LRP5: variants seen among roughly 807,000 people sequenced by gnomAD.
LRP5 encodes low-density lipoprotein receptor-related protein 5.
A neutral mutation model predicts 154.1 loss-of-function variants in LRP5; 62 were observed. The observed-to-expected ratio is 0.40, with a 90% CI of 0.33 to 0.50. The LOEUF (loss-of-function observed/expected upper bound fraction) is 0.50. Among genes scored for constraint, LRP5 ranks in the 20% least tolerant of loss-of-function variants. The pLI is 0.55. For missense variants in LRP5, 1,915 were observed against 2,336.7 expected (o/e 0.82, Z 3.72); for synonymous variants, 966 against 1,011.5 (o/e 0.96, Z 0.85).
At position 68,445,499 on chromosome 11, in the gene LRP5, G is replaced by A. The variant is rs1017917386; in HGVS notation, c.4489-937G>A. 4 of 811,544 alleles carry A rather than the reference G, an allele frequency of 4.9e-6. No homozygotes were observed. In the East Asian group the frequency reaches 1.5e-4, roughly 31 times the overall value. The allele number at this position is 811,544 out of a possible 1,614,324, so 50.3% of individuals were successfully genotyped here. On this transcript the variant is annotated intron_variant, in intron 21 of 22. Coordinates refer to ENST00000294304, the MANE Select transcript of LRP5 (RefSeq NM_002335.4). ...GTCTGGCGTGAAAGGCAGTGTTCTT[G>A]TACCACCCTAGGGGGCCTGAGAGAA...
At chr11:68,339,212 G>A (rs2098607441) in intron 1 of LRP5, among the ~76,000 whole-genome samples, 1 of 151,800 alleles carries the variant, frequency 6.6e-6, no homozygotes, top group Non-Finnish European at 1.5e-5. Context: ...GTCTCCTTCT[G>A]TCACACAGGC....
rs11382677 is a variant in LRP5 at position 68,338,867 on chromosome 11, GTTTTTTT to G, written c.92-8962_92-8956del. The stretch of plus-strand genomic sequence containing the variant: ...TCATTGGTTTTTTTGCTTTTGTTTA[GTTTTTTT>G]TTTTTTTTTTTTTTTTTGAGACAGA... On this transcript the variant is annotated intron_variant, in intron 1 of 22. Transcript: ENST00000294304. Among the ~76,000 whole-genome samples, 9 of 91,948 alleles carry G rather than the reference GTTTTTTT, an allele frequency of 9.8e-5. No homozygotes were observed. In the East Asian group the frequency reaches 3.3e-3, roughly 33 times the overall value. 60.3% of individuals were successfully genotyped at this position (91,948 alleles called of 152,430 possible). A position where few individuals can be genotyped will look rare whatever the true frequency, so the allele number is the denominator to read the frequency against.
At chr11:68,333,876 G>A (rs2098604237) in intron 1 of LRP5, among the ~76,000 whole-genome samples, 1 of 152,116 alleles carries the variant, frequency 6.6e-6, no homozygotes, top group African/African-American at 2.4e-5. Context: ...TTCAGTGCAG[G>A]GGCCGGCAGT....
At chr11:68,374,051 C>T (rs2098635939) in intron 5 of LRP5, among the ~76,000 whole-genome samples, 1 of 152,012 alleles carries the variant, frequency 6.6e-6, no homozygotes, top group Non-Finnish European at 1.5e-5. Flanking sequence ...TTGTGGGCCG[C>T]TGGCCACAGC....
intron 13 of LRP5, among the ~76,000 whole-genome samples, chr11:68,417,078 T>G (rs1210926824): frequency 6.6e-6 from 1 of 152,220 alleles, no homozygotes. Context: ...TATCCCACAA[T>G]ACTGTGCATT....
chr11:68,306,559 T>C, the LRP5 span, among the ~76,000 whole-genome samples: 4 of 152,204 alleles, frequency 2.6e-5, no homozygotes, highest in Non-Finnish European at 5.9e-5. Flanking sequence ...TTTCCTAACT[T>C]GGTTAACATT....
At chr11:68,428,246 C>T (rs1002560707) in intron 16 of LRP5, among the ~76,000 whole-genome samples, 15 of 152,040 alleles carry the variant, frequency 9.9e-5, no homozygotes, top group Admixed American at 1.3e-4. Flanking sequence ...CCACGCACCT[C>T]GGCCTCCCAA....
chr11:68,443,359 C>T (rs1457881562), intron 21 of LRP5, among the ~76,000 whole-genome samples: 2 of 149,060 alleles, frequency 1.3e-5, no homozygotes, highest in Admixed American at 6.7e-5. Context: ...AAAAATTAGC[C>T]GGGTATGGTG....
chr11:68,398,207 C>T (rs958366757), intron 7 of LRP5, among the ~76,000 whole-genome samples: 2 of 152,106 alleles, frequency 1.3e-5, no homozygotes, highest in African/African-American at 2.4e-5. Context: ...TCAGAGGAAA[C>T]ACAGGGTTCT....
chr11:68,416,247 T>G, intron 12 of LRP5, 81 bp from the exon 13 acceptor site: 1 of 1,234,530 alleles, frequency 8.1e-7, no homozygotes, highest in Non-Finnish European at 1.2e-6. Flanking sequence ...CCGCCTGTTG[T>G]CGAGTGGCGT....
chr11:68,342,033 T>A (rs993604675), intron 1 of LRP5, among the ~76,000 whole-genome samples: 2 of 151,612 alleles, frequency 1.3e-5, no homozygotes, highest in Non-Finnish European at 2.9e-5. Context: ...CTTAGTGTGC[T>A]GCCTCTACAG....
At chr11:68,343,625 T>A (rs773857050) in intron 1 of LRP5, among the ~76,000 whole-genome samples, 1 of 152,180 alleles carries the variant, frequency 6.6e-6, no homozygotes, top group Non-Finnish European at 1.5e-5. Flanking sequence ...GGGGGCTGCC[T>A]GGCCTGGGTG....
intron 10 of LRP5, 89 bp downstream of exon 10, chr11:68,410,229 G>A (rs993986091): frequency 7.5e-6 from 8 of 1,071,264 alleles, no homozygotes; most frequent in African/African-American, 4.7e-5. Context: ...CAGGCTGTCC[G>A]TGTGGCCCTC....
In LRP5 at chr11:68,429,450, C is replaced by T. The variant is rs565597776; in HGVS notation, c.3638-125C>T. On this transcript the variant is annotated intron_variant, in intron 16 of 22. Coordinates refer to ENST00000294304, the MANE Select transcript of LRP5 (RefSeq NM_002335.4). ...AGAGGAATAAGTGGGAGGATCCTCC[C>T]AGAGAGGCCGGGCCTGCAGGAGGGC... 3.3e-6 allele frequency: 4 copies of T among 1,198,528 alleles called. No individual in the cohort carries two copies. In the South Asian group the frequency reaches 5.0e-5, roughly 15 times the overall value. The allele number at this position is 1,198,528 out of a possible 1,614,324, so 74.2% of individuals were successfully genotyped here.
chr11:68,381,142 G>C (rs1461674017), intron 5 of LRP5, among the ~76,000 whole-genome samples: 3 of 152,228 alleles, frequency 2.0e-5, no homozygotes, highest in African/African-American at 7.2e-5. Flanking sequence ...CACAAGCCAA[G>C]GAACTCCAAG....
chr11:68,327,090 G>A (rs1443912708), intron 1 of LRP5, among the ~76,000 whole-genome samples: 4 of 152,176 alleles, frequency 2.6e-5, no homozygotes, highest in African/African-American at 7.2e-5. Context: ...GTCCCTGCCC[G>A]CCCCAGCAGG....
the LRP5 span, among the ~76,000 whole-genome samples, chr11:68,302,257 G>T: frequency 1.3e-5 from 2 of 150,012 alleles, no homozygotes; most frequent in South Asian, 2.1e-4. Context: ...GAGGCAGGGG[G>T]ATCACTTGAA....
intron 1 of LRP5, among the ~76,000 whole-genome samples, chr11:68,313,494 G>A (rs940980211): frequency 6.6e-6 from 1 of 152,208 alleles, no homozygotes; most frequent in African/African-American, 2.4e-5. Flanking sequence ...TTGTGCCTCA[G>A]TTGTACACTC....
Position 68,436,917 on chromosome 11 carries a change from T to C in LRP5, c.4029T>C (p.Cys1343=), listed in dbSNP as rs138359428. 8.0e-5 allele frequency: 129 copies of C among 1,613,826 alleles called. No individual in the cohort carries two copies. Among genetic ancestry groups the C allele is most frequent in the Admixed American group, 4.2e-4 (25 of 60,016 alleles). ...DAICLPNQFR[C]ASGQCVLIKQ... ...TCTGCCTGCCCAACCAGTTCCGGTG[T>C]GCGAGCGGCCAGTGTGTCCTCATCA... The change falls in exon 19 of 23, where the codon TGT becomes TGC. Residue 1343 remains cysteine, a synonymous_variant. Coordinates refer to ENST00000294304, the MANE Select transcript of LRP5 (RefSeq NM_002335.4).
Sources: gnomAD v4.1 joint callset for allele counts (sites outside exome capture counted in the v4.1 genomes callset) on GRCh38, gnomAD v4.1.1 for gene constraint, MANE v1.5 for transcripts, NCBI Gene and HGNC (gene_info 2026-07-23, HGNC 2026-07-21) for gene names.